Variants in FIGN observed in about 807,000 individuals in gnomAD.
FIGN encodes the protein fidgetin, microtubule severing factor, also known as fidgetin.
FIGN carries 11 observed loss-of-function variants against 51.3 expected under a neutral mutation model. That is an observed-to-expected ratio of 0.21 (90% CI 0.13 to 0.35). The LOEUF (loss-of-function observed/expected upper bound fraction) is 0.35. FIGN is among the 10% of genes least tolerant of loss of function. The pLI is 1.00. For synonymous variants in FIGN, 407 were observed against 363.2 expected, an observed-to-expected ratio of 1.12 and a Z score of -1.37; for missense variants, 857 against 943.6, an observed-to-expected ratio of 0.91 and a Z score of 1.20.
intron 2 of FIGN, among the ~76,000 whole-genome samples, chr2:163,688,916 T>A (rs1263548812): frequency 6.6e-6 from 1 of 151,968 alleles, no homozygotes; most frequent in East Asian, 1.9e-4. Flanking sequence ...ATGCCTGTAA[T>A]CCCACCACTT....
At chr2:163,634,709 A>G (rs887137329) in intron 2 of FIGN, among the ~76,000 whole-genome samples, 1 of 152,254 alleles carries the variant, frequency 6.6e-6, no homozygotes. Flanking sequence ...GCATTCATTT[A>G]TTAGACTGAT....
At chr2:163,707,465 A>G (rs957867212) in intron 2 of FIGN, among the ~76,000 whole-genome samples, 15 of 152,190 alleles carry the variant, frequency 9.9e-5, no homozygotes, top group African/African-American at 3.6e-4. Flanking sequence ...GTGTAGTGAC[A>G]AAACAGAAAC....
chr2:163,612,435 A>G, intron 2 of FIGN: 1 of 985,180 alleles, frequency 1.0e-6, no homozygotes, highest in Non-Finnish European at 1.2e-6. Context: ...CTCTCATCTA[A>G]AGTGGTCCAC....
intron 2 of FIGN, among the ~76,000 whole-genome samples, chr2:163,678,778 A>G (rs2105337767): frequency 6.6e-6 from 1 of 152,286 alleles, no homozygotes; most frequent in East Asian, 1.9e-4. Flanking sequence ...AGTCTTCTAG[A>G]TGCAAGTAAC....
chr2:163,640,560 C>T (rs1683291646), intron 2 of FIGN, among the ~76,000 whole-genome samples: 1 of 151,986 alleles, frequency 6.6e-6, no homozygotes, highest in Admixed American at 6.6e-5. Context: ...AGAGTCTGTA[C>T]TTAAAAAGCG....
chr2:163,635,371 C>A (rs530748100), intron 2 of FIGN, among the ~76,000 whole-genome samples: 140 of 152,222 alleles, frequency 9.2e-4, no homozygotes, highest in Non-Finnish European at 1.6e-3. Context: ...AGCTAGAGAC[C>A]AGTCTGGGCA....
chr2:163,639,479 A>G (rs1183631401), intron 2 of FIGN, among the ~76,000 whole-genome samples: 1 of 152,162 alleles, frequency 6.6e-6, no homozygotes, highest in Non-Finnish European at 1.5e-5. Context: ...TCAGATTTTT[A>G]CAGGGGAAAA....
chr2:163,609,543 A>G lies in FIGN; in HGVS notation c.*9T>C, dbSNP rs769650831. The G allele has an allele frequency of 1.3e-6, 2 of 1,590,328 alleles. No individual in the cohort carries two copies. ...ACATTCATTACATTTTTTTTTTCTAAAGAAGTTATCACTGACTGCAACCAA... is the reference window on the plus strand; with the variant it reads ...ACATTCATTACATTTTTTTTTTCTAGAGAAGTTATCACTGACTGCAACCAA... On this transcript the variant is annotated 3_prime_UTR_variant, in exon 3 of 3. Coordinates refer to ENST00000333129, the MANE Select transcript of FIGN (RefSeq NM_018086.4).
rs192357703 is a variant in FIGN, at chr2:163,677,405, G to A, written c.25+57498C>T. 1.1e-4 allele frequency among the ~76,000 whole-genome samples: 16 copies of A among 152,308 alleles called. 1 individual carries two copies. In the East Asian group the frequency reaches 3.1e-3, roughly 29 times the overall value. ...AGGGCTGCAATGGTGTAAATGGTCT[G>A]TCTACATTTGTTCTGTCCAATATAG... On this transcript the variant is annotated intron_variant, in intron 2 of 2. Coordinates refer to ENST00000333129, the MANE Select transcript of FIGN (RefSeq NM_018086.4).
chr2:163,690,022 T>C (rs571162589), intron 2 of FIGN, among the ~76,000 whole-genome samples: 1 of 152,308 alleles, frequency 6.6e-6, no homozygotes, highest in East Asian at 1.9e-4. Flanking sequence ...AACATTAAAA[T>C]ATGTGCACTT....
chr2:163,637,517 A>G (rs2105314504), intron 2 of FIGN, among the ~76,000 whole-genome samples: 1 of 152,310 alleles, frequency 6.6e-6, no homozygotes, highest in East Asian at 1.9e-4. Flanking sequence ...CTTAGAAGAG[A>G]TAATGCATGT....
chr2:163,705,417 T>C (rs577743385), intron 2 of FIGN, among the ~76,000 whole-genome samples: 1 of 152,134 alleles, frequency 6.6e-6, no homozygotes, highest in Non-Finnish European at 1.5e-5. Flanking sequence ...TTAGAAATCT[T>C]TGGATGGAAG....
At chr2:163,663,237 T>G (rs1474063900) in intron 2 of FIGN, among the ~76,000 whole-genome samples, 7 of 141,700 alleles carry the variant, frequency 4.9e-5, no homozygotes, top group Non-Finnish European at 1.1e-4. Flanking sequence ...ATAATGTTGG[T>G]TTTTTTTTTT....
intron 2 of FIGN, among the ~76,000 whole-genome samples, chr2:163,635,216 C>G (rs975163636): frequency 6.6e-5 from 10 of 152,264 alleles, no homozygotes; most frequent in Middle Eastern, 3.4e-3. Context: ...GAATAAGACT[C>G]TCATGTAATA....
rs989858 is a variant in FIGN, at chr2:163,648,967, A to C, written c.26-37161T>G. Among the ~76,000 whole-genome samples the C allele has an allele frequency of 2.0e-5, 3 of 152,056 alleles. No individual in the cohort carries two copies. In the East Asian group the frequency reaches 5.8e-4, roughly 29 times the overall value. On this transcript the variant is annotated intron_variant, in intron 2 of 2. Coordinates refer to ENST00000333129, the MANE Select transcript of FIGN (RefSeq NM_018086.4). Reference sequence around the variant, plus strand: ...CATAACACCAAATTGGTACACTTTAATTTTTTAAAACAAATCCTATATAAA... The same window carrying C: ...CATAACACCAAATTGGTACACTTTACTTTTTTAAAACAAATCCTATATAAA...
chr2:163,727,518 G>C (rs1684855719), intron 2 of FIGN, among the ~76,000 whole-genome samples: 4 of 151,976 alleles, frequency 2.6e-5, no homozygotes, highest in African/African-American at 7.3e-5. Flanking sequence ...TATTACACAG[G>C]GCAAAGATTT....
rs1691222440 is a variant in FIGN at position 163,610,580 on chromosome 2, A to G, written c.1252T>C (p.Ser418Pro). ...ACTGGCGATGTGTACTTCCCAAAGG[A>G]TTCACTGGATCTTGATCCCAATGAA... ...KNSLGSRSSE[S>P]FGKYTSPVMS... The change falls in exon 3 of 3, where the codon TCC becomes CCC. Residue 418 changes from serine to proline, a missense_variant. Transcript: ENST00000333129. The G allele has an allele frequency of 1.9e-6, 3 of 1,614,128 alleles. No homozygotes were observed. Among genetic ancestry groups the G allele is most frequent in the African/African-American group, 2.7e-5 (2 of 75,026 alleles).
chr2:163,718,614 T>A (rs1044605380), intron 2 of FIGN, among the ~76,000 whole-genome samples: 1 of 152,148 alleles, frequency 6.6e-6, no homozygotes, highest in South Asian at 2.1e-4. Context: ...ATCATTTTTA[T>A]TGGAAGTCTC....
At chr2:163,666,763 A>T (rs1369374410) in intron 2 of FIGN, among the ~76,000 whole-genome samples, 2 of 151,952 alleles carry the variant, frequency 1.3e-5, no homozygotes, top group African/African-American at 4.8e-5. Flanking sequence ...TGAGGACACA[A>T]AGCCTCAAAG....
Sources: gnomAD v4.1 joint callset for allele counts (sites outside exome capture counted in the v4.1 genomes callset) on GRCh38, gnomAD v4.1.1 for gene constraint, MANE v1.5 for transcripts, NCBI Gene and HGNC (gene_info 2026-07-23, HGNC 2026-07-21) for gene names.